ZC3H12B: variants seen among roughly 807,000 people sequenced by gnomAD.
ZC3H12B encodes the protein zinc finger CCCH-type containing 12B.
Under a neutral mutation model 43.9 loss-of-function variants are expected in ZC3H12B, and 7 were observed. The ratio of observed to expected loss-of-function variants is 0.16; its 90% CI spans 0.09 to 0.30. The LOEUF (loss-of-function observed/expected upper bound fraction) is 0.30, where lower values mean the gene tolerates loss of function less well. Ranked by LOEUF, ZC3H12B falls within the 10% of genes least tolerant of loss-of-function variation. ZC3H12B has a pLI of 1.00. For synonymous variants in ZC3H12B, 222 were observed against 241.7 expected (o/e 0.92, Z 0.76); for missense variants, 475 against 670.2 (o/e 0.71, Z 3.22).
the ZC3H12B span, among the ~76,000 whole-genome samples, chrX:65,229,233 AT>A: frequency 6.6e-3 from 735 of 111,449 alleles, 13 homozygotes; most frequent in African/African-American, 0.023. Flanking sequence ...AACACCTCAT[AT>A]CTACAACTAT....
At chrX:65,359,963 T>G in the ZC3H12B span, among the ~76,000 whole-genome samples, 430 of 111,870 alleles carry the variant, frequency 3.8e-3, 1 homozygote, top group African/African-American at 0.013. Context: ...GCTACCTCAT[T>G]CTTCAGGCGC....
At chrX:65,410,874 A>T (rs1361307616) in intron 3 of ZC3H12B, among the ~76,000 whole-genome samples, 4 of 112,544 alleles carry the variant, frequency 3.6e-5, no homozygotes, top group African/African-American at 1.3e-4. Context: ...GTACAGTAGC[A>T]CAACCACTAT....
At chrX:65,160,618 C>A in the ZC3H12B span, among the ~76,000 whole-genome samples, 1 of 111,421 alleles carries the variant, frequency 9.0e-6, no homozygotes, top group Non-Finnish European at 1.9e-5. Context: ...TCCCCTTTAT[C>A]ATTTTTTTTG....
chrX:65,450,735 GTA>G (rs1193050749), intron 3 of ZC3H12B, among the ~76,000 whole-genome samples: 82 of 31,138 alleles, frequency 2.6e-3, no homozygotes, highest in East Asian at 4.8e-3. Context: ...GTGTATATAT[GTA>G]TATATATATA....
intron 3 of ZC3H12B, among the ~76,000 whole-genome samples, chrX:65,399,869 T>C (rs180778098): frequency 5.6e-4 from 63 of 112,120 alleles, no homozygotes; most frequent in Non-Finnish European, 1.1e-3. Context: ...TGAGATTCTG[T>C]CATTTGCAAC....
chrX:65,332,311 C>T, the ZC3H12B span, among the ~76,000 whole-genome samples: 3 of 110,734 alleles, frequency 2.7e-5, no homozygotes, highest in African/African-American at 6.6e-5. Flanking sequence ...CAGAAAGCAT[C>T]GGTATGTCCA....
At chrX:65,466,110 C>T (rs1454838934) in intron 3 of ZC3H12B, among the ~76,000 whole-genome samples, 1 of 110,331 alleles carries the variant, frequency 9.1e-6, no homozygotes, top group Non-Finnish European at 1.9e-5. Flanking sequence ...ACTTATTTAT[C>T]TTTCATTATT....
the ZC3H12B span, among the ~76,000 whole-genome samples, chrX:65,139,380 T>G: frequency 5.3e-5 from 6 of 112,200 alleles, no homozygotes; most frequent in Non-Finnish European, 1.1e-4. Context: ...GGTACCTTTA[T>G]GGGAAACTAT....
chrX:65,148,973 G>A, the ZC3H12B span, among the ~76,000 whole-genome samples: 1 of 109,878 alleles, frequency 9.1e-6, no homozygotes, highest in African/African-American at 3.3e-5. Flanking sequence ...CTCCTTTTAT[G>A]TTTCCACAAA....
At chrX:65,452,878 A>C (rs185785681) in intron 3 of ZC3H12B, among the ~76,000 whole-genome samples, 1 of 105,548 alleles carries the variant, frequency 9.5e-6, no homozygotes, top group Non-Finnish European at 1.9e-5. Context: ...ACACACACAC[A>C]CCATGTTCAT....
At chrX:65,049,628 T>G in the ZC3H12B span, among the ~76,000 whole-genome samples, 1 of 111,683 alleles carries the variant, frequency 9.0e-6, no homozygotes, top group African/African-American at 3.2e-5. Flanking sequence ...TTGTTGCTCT[T>G]TCTCAATATT....
the ZC3H12B span, among the ~76,000 whole-genome samples, chrX:65,261,160 G>A: frequency 9.0e-6 from 1 of 111,675 alleles, no homozygotes; most frequent in Admixed American, 9.6e-5. Context: ...CATCAGAGGT[G>A]TTGTAGAGCT....
the ZC3H12B span, among the ~76,000 whole-genome samples, chrX:65,206,553 A>C: frequency 8.9e-6 from 1 of 112,216 alleles, no homozygotes; most frequent in Non-Finnish European, 1.9e-5. Context: ...TGAAACTATA[A>C]AGATTCTAGA....
At chrX:65,458,337 C>T (rs1424496834) in intron 3 of ZC3H12B, among the ~76,000 whole-genome samples, 1 of 110,956 alleles carries the variant, frequency 9.0e-6, no homozygotes, top group Non-Finnish European at 1.9e-5. Flanking sequence ...AGGAATTGAA[C>T]TCAGCTCTGC....
chrX:65,038,666 A>G, the ZC3H12B span, among the ~76,000 whole-genome samples: 1 of 111,247 alleles, frequency 9.0e-6, no homozygotes, highest in Non-Finnish European at 1.9e-5. Flanking sequence ...TACACATGTT[A>G]GTTAAATTGC....
At chrX:65,359,603 G>A in the ZC3H12B span, among the ~76,000 whole-genome samples, 1 of 111,854 alleles carries the variant, frequency 8.9e-6, no homozygotes, top group African/African-American at 3.3e-5. Context: ...ATTAGAAGCT[G>A]AGCCAGAAGA....
At chrX:65,356,335 G>A in the ZC3H12B span, among the ~76,000 whole-genome samples, 1 of 112,183 alleles carries the variant, frequency 8.9e-6, no homozygotes, top group African/African-American at 3.2e-5. Flanking sequence ...ATGCAGAAAA[G>A]ACATGTTAAC....
the ZC3H12B span, chrX:65,184,931 T>C: frequency 3.6e-5 from 4 of 111,707 alleles, no homozygotes; most frequent in Admixed American, 9.6e-5. Context: ...TTCATACATA[T>C]ATGCATTGTA....
chrX:65,467,586 CT>C (rs2067842746), intron 3 of ZC3H12B, among the ~76,000 whole-genome samples: 1 of 112,245 alleles, frequency 8.9e-6, no homozygotes, highest in South Asian at 3.7e-4. Flanking sequence ...TAAGCATTCT[CT>C]TTCCACTGCA....
Sources: allele counts gnomAD v4.1 joint callset (sites outside exome capture counted in the v4.1 genomes callset), GRCh38; gene constraint gnomAD v4.1.1; transcripts MANE v1.5; gene names NCBI Gene and HGNC (gene_info 2026-07-23, HGNC 2026-07-21).